FILIP1: variants seen among roughly 807,000 people sequenced by gnomAD.
The protein encoded by FILIP1 is filamin A interacting protein 1, also known as filamin-A-interacting protein 1.
A neutral mutation model predicts 102.1 loss-of-function variants in FILIP1; 61 were observed. The ratio of observed to expected loss-of-function variants is 0.60; its 90% CI spans 0.49 to 0.74. The LOEUF is 0.74. FILIP1 is among the 30% of genes least tolerant of loss of function. FILIP1 has a pLI of 0.00. For synonymous variants in FILIP1, 491 were observed against 526.9 expected (o/e 0.93, Z 0.93); for missense variants, 1,314 against 1,441.2 (o/e 0.91, Z 1.43).
chr6:75,337,807 C>T (rs757495540), intron 4 of FILIP1, among the ~76,000 whole-genome samples: 1 of 152,084 alleles, frequency 6.6e-6, no homozygotes, highest in African/African-American at 2.4e-5. Flanking sequence ...TTACAGATTC[C>T]GGGAGAAGTG....
At chr6:75,440,763 A>G (rs1286985460) in intron 1 of FILIP1, among the ~76,000 whole-genome samples, 2 of 152,086 alleles carry the variant, frequency 1.3e-5, no homozygotes, top group Non-Finnish European at 2.9e-5. Flanking sequence ...CACCCTGACC[A>G]ACATGGAGAA....
intron 2 of FILIP1, among the ~76,000 whole-genome samples, chr6:75,380,186 C>A (rs1775867217): frequency 7.4e-6 from 1 of 135,490 alleles, no homozygotes. Flanking sequence ...CTGTAAAAAA[C>A]AATCATAGCC....
Position 75,312,588 on chromosome 6 carries a change from A to C in FILIP1, c.3244T>G (p.Ser1082Ala), listed in dbSNP as rs1031817327. ...ATAACTGGACTGACTCCTTCACCTG[A>C]AGTCCCAGGGGACCGTTTAAACTGA... ...GSQFKRSPGT[S>A]GEGVSPVITV... Residue 1082 changes from serine to alanine, a missense_variant, in exon 5 of 6, where the codon TCA (serine) becomes GCA (alanine). This residue lies in a region of FILIP1 where 816 missense variants were observed against 913.1 expected (regional missense o/e 0.89). Transcript: ENST00000237172. 3 of 1,614,040 alleles carry C rather than the reference A, an allele frequency of 1.9e-6. No individual in the cohort carries two copies. In the African/African-American group the frequency reaches 4.0e-5, roughly 22 times the overall value.
chr6:75,313,065 C>T lies in FILIP1; in HGVS notation c.2767G>A (p.Ala923Thr), dbSNP rs778214898. The change falls in exon 5 of 6, where the codon GCG becomes ACG. Residue 923 changes from alanine (A) to threonine (T), a missense_variant. By Grantham distance (58) the Ala-to-Thr change is moderately conservative (BLOSUM62 0). Around this residue, in one of 3 missense-constraint regions of FILIP1, gnomAD observed 816 missense variants for 913.1 expected, o/e 0.89. Transcript: ENST00000237172. The surrounding 1 kb of genome is among the most constrained non-coding windows in gnomAD (Gnocchi z 4.2). ...GTCGGGCTTGTTATCTCCAAAGTCGCAGTGCTGTTCTCGTGGTCTGGTGTC... is the reference window on the plus strand; with the variant it reads ...GTCGGGCTTGTTATCTCCAAAGTCGTAGTGCTGTTCTCGTGGTCTGGTGTC... ...RVTPDHENST[A>T]TLEITSPTSE... 5.0e-6 allele frequency: 8 copies of T among 1,614,180 alleles called. No homozygotes were observed. The highest frequency in any genetic ancestry group is 5.9e-6 in the Non-Finnish European group (7 of 1,180,040).
At chr6:75,356,068 C>A (rs964403912) in intron 3 of FILIP1, among the ~76,000 whole-genome samples, 1 of 152,170 alleles carries the variant, frequency 6.6e-6, no homozygotes, top group African/African-American at 2.4e-5. Context: ...AAAAATCCAC[C>A]GCCACCCCAA....
intron 1 of FILIP1, among the ~76,000 whole-genome samples, chr6:75,423,591 C>T (rs929904386): frequency 6.6e-6 from 1 of 152,158 alleles, no homozygotes; most frequent in Non-Finnish European, 1.5e-5. Context: ...CGATAAGATG[C>T]ACTGAAAACT....
At chr6:75,323,348 C>T (rs1435437366) in intron 4 of FILIP1, among the ~76,000 whole-genome samples, 1 of 152,018 alleles carries the variant, frequency 6.6e-6, no homozygotes, top group Non-Finnish European at 1.5e-5. Flanking sequence ...GTGAATTTTA[C>T]TGTATGTAAA....
Position 75,313,267 on chromosome 6 carries a change from C to T in FILIP1, c.2565G>A (p.Arg855=), listed in dbSNP as rs576355587. The T allele has an allele frequency of 4.3e-6, 7 of 1,614,078 alleles. No homozygotes were observed. The highest frequency in any genetic ancestry group is 3.3e-4 in the Middle Eastern group (2 of 6,082). ...TGAGCTCATTTGCTGCTGGAGGATACCTGTCTAGAACAGAAGATCTTTCCA... is the reference window on the plus strand; with the variant it reads ...TGAGCTCATTTGCTGCTGGAGGATATCTGTCTAGAACAGAAGATCTTTCCA... ...KPVERSSVLD[R]YPPAANELTM... is the part of the protein sequence containing the mutation. The change falls in exon 5 of 6, where the codon AGG becomes AGA. Residue 855 remains arginine (R), a synonymous_variant. Coordinates refer to ENST00000237172, the MANE Select transcript of FILIP1 (RefSeq NM_015687.5). The surrounding 1 kb of genome is among the most constrained non-coding windows in gnomAD (Gnocchi z 4.2).
intron 1 of FILIP1, among the ~76,000 whole-genome samples, chr6:75,419,018 T>C (rs1480383598): frequency 2.0e-5 from 3 of 151,732 alleles, no homozygotes; most frequent in Non-Finnish European, 4.4e-5. Flanking sequence ...CTCCCATTAA[T>C]TGGACAATGC....
At chr6:75,474,387 A>G (rs1779414525) in intron 1 of FILIP1, among the ~76,000 whole-genome samples, 1 of 152,164 alleles carries the variant, frequency 6.6e-6, no homozygotes. Flanking sequence ...TATACCTGTG[A>G]TTCAGTTAAA....
chr6:75,344,885 C>T (rs1774525141), intron 4 of FILIP1, among the ~76,000 whole-genome samples: 1 of 152,220 alleles, frequency 6.6e-6, no homozygotes, highest in African/African-American at 2.4e-5. Context: ...CACCACTGCA[C>T]TGCAGCCTGA....
intron 1 of FILIP1, among the ~76,000 whole-genome samples, chr6:75,482,464 T>C (rs1779673215): frequency 6.6e-6 from 1 of 152,180 alleles, no homozygotes; most frequent in Non-Finnish European, 1.5e-5. Context: ...GCTAATGAAC[T>C]ACAGCCTGGT....
exon 7 of FILIP1, chr6:75,295,922 C>A: frequency 6.9e-7 from 1 of 1,459,062 alleles, no homozygotes; most frequent in African/African-American, 1.4e-5. Context: ...ATCTGGAGTT[C>A]ATTCGTAACT....
At chr6:75,356,471 CTTT>C (rs111902501) in intron 3 of FILIP1, among the ~76,000 whole-genome samples, 4 of 142,940 alleles carry the variant, frequency 2.8e-5, no homozygotes, top group East Asian at 2.0e-4. Flanking sequence ...TTTTTGTAGT[CTTT>C]TTTTTTTTTT....
At chr6:75,447,451 G>C (rs1778475252) in intron 1 of FILIP1, among the ~76,000 whole-genome samples, 1 of 152,064 alleles carries the variant, frequency 6.6e-6, no homozygotes, top group South Asian at 2.1e-4. Context: ...AAAATGTGCA[G>C]GGAGCCCTGG....
chr6:75,454,224 T>C (rs1033454765), intron 1 of FILIP1, among the ~76,000 whole-genome samples: 4 of 152,314 alleles, frequency 2.6e-5, no homozygotes, highest in Admixed American at 6.5e-5. Context: ...TGCTTTTTTA[T>C]GGATGTCAGT....
chr6:75,362,876 G>C lies in FILIP1; in HGVS notation c.318C>G (p.Thr106=). 4.3e-6 allele frequency: 7 copies of C among 1,613,880 alleles called. No homozygotes were observed. Among genetic ancestry groups the C allele is most frequent in the Non-Finnish European group, 5.9e-6 (7 of 1,180,004 alleles). ...AATGAGCCTCCAGAACCTCAGGCTT[G>C]GTTTTCTCTGTCTTCAGCATGTGGA... The part of the protein sequence containing the change: ...DVIHMLKTEK[T]KPEVLEAHYG... Residue 106 remains threonine, a synonymous_variant, in exon 3 of 6, where the codon ACC becomes ACG. Transcript: ENST00000237172.
chr6:75,296,341 T>TTG (rs57430339), intron 6 of FILIP1, among the ~76,000 whole-genome samples: 20,052 of 141,330 alleles, frequency 0.14, 1,430 homozygotes, highest in Non-Finnish European at 0.16. Flanking sequence ...TTCAATTTCT[T>TTG]TGTGTGTGTG....
chr6:75,456,564 T>C (rs575639187), intron 1 of FILIP1, among the ~76,000 whole-genome samples: 64 of 150,708 alleles, frequency 4.2e-4, no homozygotes, highest in African/African-American at 1.5e-3. Context: ...TTTTTTCTTT[T>C]CTTTTTTTTT....
Sources: gnomAD v4.1 joint callset for allele counts (sites outside exome capture counted in the v4.1 genomes callset) on GRCh38, gnomAD v4.1.1 for gene constraint, gnomAD v4.1.1 regional missense constraint, Gnocchi (gnomAD v3.1) non-coding constraint, MANE v1.5 for transcripts, NCBI Gene and HGNC (gene_info 2026-07-23, HGNC 2026-07-21) for gene names.